The following MARCHF4 variants were observed in gnomAD, a reference collection of about 807,000 sequenced individuals.
The protein encoded by MARCHF4 is membrane associated ring-CH-type finger 4.
MARCHF4 carries 14 observed loss-of-function variants against 43.9 expected under a neutral mutation model. The observed-to-expected ratio is 0.32, with a 90% CI of 0.21 to 0.50. The LOEUF (loss-of-function observed/expected upper bound fraction) is 0.50, where lower values mean the gene tolerates loss of function less well. Among genes scored for constraint, MARCHF4 ranks in the 20% least tolerant of loss-of-function variants. The probability of loss-of-function intolerance (pLI) is 0.98; values close to 1 mark genes in which losing one functional copy is unlikely to be tolerated. For missense variants in MARCHF4, 468 were observed against 536.7 expected (o/e 0.87, Z 1.27); for synonymous variants, 226 against 213.3 (o/e 1.06, Z -0.52).
intron 3 of MARCHF4, among the ~76,000 whole-genome samples, chr2:216,274,064 GC>G (rs1229796715): frequency 9.2e-5 from 14 of 152,252 alleles, no homozygotes; most frequent in African/African-American, 3.4e-4. Context: ...TATTGGGGAT[GC>G]CTGCTGGGAG....
chr2:216,273,237 C>T (rs1690967041), intron 3 of MARCHF4, among the ~76,000 whole-genome samples: 1 of 152,220 alleles, frequency 6.6e-6, no homozygotes, highest in Admixed American at 6.5e-5. Flanking sequence ...TTGTTAAAAC[C>T]ATCCATTTTA....
chr2:216,341,106 T>A (rs1692229914), intron 1 of MARCHF4, among the ~76,000 whole-genome samples: 1 of 152,200 alleles, frequency 6.6e-6, no homozygotes, highest in East Asian at 1.9e-4. Flanking sequence ...ACTGGAACTA[T>A]TCGGAGGAGG....
chr2:216,356,747 G>C (rs187113773), intron 1 of MARCHF4, among the ~76,000 whole-genome samples: 1 of 152,078 alleles, frequency 6.6e-6, no homozygotes, highest in East Asian at 1.9e-4. Context: ...AATAGGCCGG[G>C]CGTAGTGGCT....
At chr2:216,278,514 CAT>C (rs1691071758) in intron 2 of MARCHF4, among the ~76,000 whole-genome samples, 1 of 152,184 alleles carries the variant, frequency 6.6e-6, no homozygotes, top group South Asian at 2.1e-4. Context: ...TGTGAGCCAC[CAT>C]GCCCAGCCTG....
chr2:216,310,748 A>G (rs1424251475), intron 1 of MARCHF4, among the ~76,000 whole-genome samples: 1 of 152,088 alleles, frequency 6.6e-6, no homozygotes, highest in Admixed American at 6.5e-5. Flanking sequence ...ACATGGTTTT[A>G]AGTCTCTTCT....
chr2:216,348,032 CT>C (rs773695717), intron 1 of MARCHF4, among the ~76,000 whole-genome samples: 32,795 of 99,696 alleles, frequency 0.33, 4,520 homozygotes, highest in East Asian at 0.49. Context: ...TTAAGGCATT[CT>C]TTTTTTTTTT....
intron 1 of MARCHF4, among the ~76,000 whole-genome samples, chr2:216,311,874 G>A (rs1691692591): frequency 2.6e-5 from 4 of 152,044 alleles, no homozygotes; most frequent in Admixed American, 6.6e-5. Context: ...TTTTTATATT[G>A]TAATCAGTGT....
intron 1 of MARCHF4, among the ~76,000 whole-genome samples, chr2:216,287,035 C>G (rs1457076367): frequency 6.6e-6 from 1 of 152,166 alleles, no homozygotes; most frequent in Admixed American, 6.5e-5. Context: ...GCTTCACCAC[C>G]CGCTGTGCTC....
intron 3 of MARCHF4, among the ~76,000 whole-genome samples, chr2:216,272,390 G>C (rs1018699535): frequency 6.6e-6 from 1 of 152,128 alleles, no homozygotes; most frequent in Admixed American, 6.5e-5. Flanking sequence ...GAGCAGCTGG[G>C]GCTCACTGAA....
At chr2:216,272,389 G>A (rs987174077) in intron 3 of MARCHF4, among the ~76,000 whole-genome samples, 4 of 152,096 alleles carry the variant, frequency 2.6e-5, no homozygotes, top group African/African-American at 9.7e-5. Context: ...GGAGCAGCTG[G>A]GGCTCACTGA....
At position 216,263,845 on chromosome 2, in the gene MARCHF4, G is replaced by A. The variant is rs572823119; in HGVS notation, c.866-4166C>T. ...ATGATGGACCATGAAGTGCAGGGGG[G>A]CACGGTGAAGGGCTGGGAAGACCGG... On this transcript the variant is annotated intron_variant, in intron 3 of 3. Coordinates refer to ENST00000273067, the MANE Select transcript of MARCHF4 (RefSeq NM_020814.3). 1.6e-3 allele frequency among the ~76,000 whole-genome samples: 242 copies of A among 152,248 alleles called. 1 individual carries two copies. Among genetic ancestry groups the A allele is most frequent in the Non-Finnish European group, 2.9e-3 (198 of 68,000 alleles).
chr2:216,259,114 G>T lies in MARCHF4; in HGVS notation c.*198C>A. 1 of 581,022 alleles carries T rather than the reference G, an allele frequency of 1.7e-6. No homozygotes were observed. The highest frequency in any genetic ancestry group is 2.8e-6 in the Non-Finnish European group (1 of 355,356). 36.0% of individuals were successfully genotyped at this position (581,022 alleles called of 1,614,324 possible). A position where few individuals can be genotyped will look rare whatever the true frequency, so the allele number is the denominator to read the frequency against. On this transcript the variant is annotated 3_prime_UTR_variant, in exon 4 of 4. Transcript: ENST00000273067. The stretch of plus-strand genomic sequence containing the variant: ...TGTTGGTTTTCATTGTTGTTGTGGA[G>T]AGTGGCATTGACTGATTGGAAATAG...
At chr2:216,277,999 T>C in intron 2 of MARCHF4, 135 bp from the exon 3 acceptor site, 2 of 727,258 alleles carry the variant, frequency 2.8e-6, no homozygotes, top group South Asian at 2.4e-5. Flanking sequence ...TGTGGTACAA[T>C]GAGCATTTTG....
rs538921241 is a variant in MARCHF4 at position 216,368,144 on chromosome 2, T to A, written c.516+1601A>T. On this transcript the variant is annotated intron_variant, in intron 1 of 3. Coordinates refer to ENST00000273067, the MANE Select transcript of MARCHF4 (RefSeq NM_020814.3). Reference sequence around the variant, plus strand: ...CCTGTGACATGCAGACCTGAGCCCATATGGGAGAAAAAAGAAATGCCTTAG... The same window carrying A: ...CCTGTGACATGCAGACCTGAGCCCAAATGGGAGAAAAAAGAAATGCCTTAG... Among the ~76,000 whole-genome samples the A allele has an allele frequency of 5.3e-5, 8 of 152,258 alleles. No individual in the cohort carries two copies. The South Asian group carries it at 8.3e-4, about 16-fold the overall frequency.
intron 1 of MARCHF4, among the ~76,000 whole-genome samples, chr2:216,296,397 G>C (rs548406923): frequency 6.6e-6 from 1 of 151,986 alleles, no homozygotes; most frequent in Admixed American, 6.6e-5. Context: ...TGCACCTGCC[G>C]GCCTCCATGT....
intron 1 of MARCHF4, among the ~76,000 whole-genome samples, chr2:216,319,997 G>A (rs1297060573): frequency 6.6e-6 from 1 of 152,184 alleles, no homozygotes. Context: ...GGATGTTTCT[G>A]TGAGTTTAGA....
intron 1 of MARCHF4, among the ~76,000 whole-genome samples, chr2:216,287,022 T>A (rs1423906476): frequency 6.6e-6 from 1 of 152,202 alleles, no homozygotes; most frequent in African/African-American, 2.4e-5. Flanking sequence ...CGTCAGACGC[T>A]GAGCTTCACC....
At chr2:216,348,082 G>C (rs1281810294) in intron 1 of MARCHF4, among the ~76,000 whole-genome samples, 2 of 146,970 alleles carry the variant, frequency 1.4e-5, no homozygotes, top group African/African-American at 5.1e-5. Flanking sequence ...TTGTTGCCCA[G>C]GCTGGAGTGC....
chr2:216,319,755 A>G (rs984507287), intron 1 of MARCHF4, among the ~76,000 whole-genome samples: 2 of 152,226 alleles, frequency 1.3e-5, no homozygotes, highest in Non-Finnish European at 2.9e-5. Flanking sequence ...AAGGAAATCT[A>G]CACTAGATGC....
Sources: allele counts gnomAD v4.1 joint callset (sites outside exome capture counted in the v4.1 genomes callset), GRCh38; gene constraint gnomAD v4.1.1; transcripts MANE v1.5; gene names NCBI Gene and HGNC (gene_info 2026-07-23, HGNC 2026-07-21).